TSPAN18: variants seen among roughly 807,000 people sequenced by gnomAD.
The protein encoded by TSPAN18 is tetraspanin-18.
Under a neutral mutation model 27.3 loss-of-function variants are expected in TSPAN18, and 14 were observed. That is an observed-to-expected ratio of 0.51 (90% CI 0.34 to 0.80). TSPAN18 has a LOEUF of 0.80. TSPAN18 is among the 30% of genes least tolerant of loss of function. The pLI, the probability that TSPAN18 is intolerant of heterozygous loss-of-function variation, is 0.01. For missense variants in TSPAN18, 268 were observed against 323.9 expected, an observed-to-expected ratio of 0.83 and a Z score of 1.32; for synonymous variants, 143 against 136.5, an observed-to-expected ratio of 1.05 and a Z score of -0.33.
At chr11:44,888,560 G>A (rs1251546779) in intron 3 of TSPAN18, among the ~76,000 whole-genome samples, 1 of 152,128 alleles carries the variant, frequency 6.6e-6, no homozygotes, top group Admixed American at 6.5e-5. Context: ...CAACAGCAGC[G>A]AGTCCAGAGT....
chr11:44,889,781 C>G (rs1397476475), intron 3 of TSPAN18, among the ~76,000 whole-genome samples: 1 of 152,210 alleles, frequency 6.6e-6, no homozygotes, highest in Non-Finnish European at 1.5e-5. Context: ...GCCTTCTCAT[C>G]TTGTGGTCTC....
At position 44,902,092 on chromosome 11, in the gene TSPAN18, G is replaced by A. The variant is rs551637361; in HGVS notation, c.-10-4315G>A. Among the ~76,000 whole-genome samples, 96 of 152,334 alleles carry A rather than the reference G, an allele frequency of 6.3e-4. 2 individuals carry two copies. In the South Asian group the frequency reaches 0.019, roughly 30 times the overall value. On this transcript the variant is annotated intron_variant, in intron 3 of 9. Coordinates refer to ENST00000520358, the MANE Select transcript of TSPAN18 (RefSeq NM_130783.5). ...GGGTCAGAATAGAAAGCTCCGGGGT[G>A]CAAGGCATTGTCCTGGGTTTATGGT...
At chr11:44,892,647 C>T (rs1565194693) in intron 3 of TSPAN18, among the ~76,000 whole-genome samples, 1 of 152,228 alleles carries the variant, frequency 6.6e-6, no homozygotes, top group Admixed American at 6.5e-5. Context: ...GGGACTGGCA[C>T]CTTCTGTGGC....
At position 44,920,008 on chromosome 11, in the gene TSPAN18, C is replaced by T; in HGVS notation, c.615+9C>T. ...TATTCCTAAACAAGCAGGTACTGGCCCTGCTCTCCAGACAGGGGAGTGGGT... is the reference window on the plus strand; with the variant it reads ...TATTCCTAAACAAGCAGGTACTGGCTCTGCTCTCCAGACAGGGGAGTGGGT... On this transcript the variant is annotated intron_variant, in intron 8 of 9. Transcript: ENST00000520358. 3 of 1,610,120 alleles carry T rather than the reference C, an allele frequency of 1.9e-6. No homozygotes were observed. The highest frequency in any genetic ancestry group is 2.5e-6 in the Non-Finnish European group (3 of 1,177,908).
chr11:44,787,592 A>G (rs1465942686), intron 2 of TSPAN18, among the ~76,000 whole-genome samples: 6 of 152,196 alleles, frequency 3.9e-5, no homozygotes, highest in African/African-American at 1.4e-4. Context: ...CTGTTTCTTT[A>G]TCTGTATAGT....
At position 44,897,090 on chromosome 11, in the gene TSPAN18, G is replaced by C. The variant is rs550824942; in HGVS notation, c.-10-9317G>C. On this transcript the variant is annotated intron_variant, in intron 3 of 9. Coordinates refer to ENST00000520358, the MANE Select transcript of TSPAN18 (RefSeq NM_130783.5). ...ACAGCCCAGGCTTCCCCAGGTCCCA[G>C]GTCTTCCTGGGACTGTCCTCTAACC... Among the ~76,000 whole-genome samples the C allele has an allele frequency of 8.5e-5, 13 of 152,258 alleles. No homozygotes were observed. In the East Asian group the frequency reaches 2.5e-3, roughly 29 times the overall value.
intron 2 of TSPAN18, among the ~76,000 whole-genome samples, chr11:44,848,848 C>A (rs1467231258): frequency 1.3e-5 from 2 of 152,118 alleles, no homozygotes; most frequent in Non-Finnish European, 2.9e-5. Context: ...CCGTGGGGCT[C>A]CCCCCACCCC....
intron 3 of TSPAN18, chr11:44,903,295 G>A (rs971255410): frequency 1.8e-5 from 7 of 395,628 alleles, no homozygotes; most frequent in Admixed American, 1.4e-4. Flanking sequence ...TAGTTGGAAA[G>A]GCAATCCAAA....
intron 1 of TSPAN18, among the ~76,000 whole-genome samples, chr11:44,730,261 G>C (rs1010104907): frequency 1.3e-5 from 2 of 152,232 alleles, no homozygotes; most frequent in Admixed American, 6.5e-5. Flanking sequence ...CCTGCTGGGA[G>C]CCCCATGTTA....
chr11:44,746,005 C>T (rs911639249), intron 1 of TSPAN18, among the ~76,000 whole-genome samples: 6 of 152,128 alleles, frequency 3.9e-5, no homozygotes, highest in Admixed American at 6.5e-5. Context: ...CCAGCCTGGG[C>T]GACAGAGCGA....
chr11:44,738,356 TGGCTGGAGCCCCCCC>T lies in TSPAN18; in HGVS notation c.-240+11082_-240+11096del, dbSNP rs1211939553. Among the ~76,000 whole-genome samples the T allele has an allele frequency of 5.9e-5, 9 of 152,198 alleles. No individual in the cohort carries two copies. The East Asian group carries it at 1.5e-3, about 26-fold the overall frequency. ...TACAGTGGGAACGCTGGAGCCCACC[TGGCTGGAGCCCCCCC>T]GGCTGGAGCCCCAGCTTTATCACGT... On this transcript the variant is annotated intron_variant, in intron 1 of 9. Transcript: ENST00000520358.
rs554296912 is a variant in TSPAN18 at position 44,807,652 on chromosome 11, A to T, written c.-153+43140A>T. Among the ~76,000 whole-genome samples the T allele has an allele frequency of 4.4e-4, 67 of 151,680 alleles. 1 individual carries two copies. The South Asian group carries it at 0.012, about 27-fold the overall frequency. ...TGGGTATTGCAAAATTCCTGGGGGG[A>T]ACTCAAGTTTGGGAATCACTGGTTG... On this transcript the variant is annotated intron_variant, in intron 2 of 9. Coordinates refer to ENST00000520358, the MANE Select transcript of TSPAN18 (RefSeq NM_130783.5).
intron 1 of TSPAN18, among the ~76,000 whole-genome samples, chr11:44,733,623 G>C (rs1375863457): frequency 6.6e-6 from 1 of 152,170 alleles, no homozygotes; most frequent in African/African-American, 2.4e-5. Context: ...TGGTGAGGAG[G>C]GGAGGTTGCA....
intron 2 of TSPAN18, among the ~76,000 whole-genome samples, chr11:44,855,444 G>A (rs886836432): frequency 6.6e-6 from 1 of 152,158 alleles, no homozygotes; most frequent in Admixed American, 6.6e-5. Flanking sequence ...TAAAAAGCAA[G>A]CATTCGACAA....
intron 2 of TSPAN18, among the ~76,000 whole-genome samples, chr11:44,773,004 C>T (rs61880613): frequency 0.43 from 65,935 of 152,052 alleles, 15,612 homozygotes; most frequent in Non-Finnish European, 0.52. Context: ...ACAGGATCCA[C>T]ACATGTTGGC....
At chr11:44,782,951 C>T (rs1855972879) in intron 2 of TSPAN18, among the ~76,000 whole-genome samples, 1 of 152,084 alleles carries the variant, frequency 6.6e-6, no homozygotes, top group Non-Finnish European at 1.5e-5. Flanking sequence ...GCCTCAGCCT[C>T]CCAAGTAGCT....
intron 1 of TSPAN18, among the ~76,000 whole-genome samples, chr11:44,743,356 T>C (rs537580102): frequency 1.3e-5 from 2 of 152,074 alleles, no homozygotes; most frequent in South Asian, 4.2e-4. Flanking sequence ...CAGTGGGCAA[T>C]GGAAAGAGCC....
At chr11:44,802,334 G>A (rs1856499391) in intron 2 of TSPAN18, among the ~76,000 whole-genome samples, 1 of 151,448 alleles carries the variant, frequency 6.6e-6, no homozygotes, top group Non-Finnish European at 1.5e-5. Flanking sequence ...TGGGGGGAGA[G>A]CTGTGGGAGA....
At chr11:44,761,241 G>T (rs952278156) in intron 1 of TSPAN18, among the ~76,000 whole-genome samples, 3 of 152,156 alleles carry the variant, frequency 2.0e-5, no homozygotes, top group Non-Finnish European at 4.4e-5. Context: ...TCGGGTCAAG[G>T]GTGACCCCTG....
Sources: allele counts gnomAD v4.1 joint callset (sites outside exome capture counted in the v4.1 genomes callset), GRCh38; gene constraint gnomAD v4.1.1; transcripts MANE v1.5; gene names NCBI Gene and HGNC (gene_info 2026-07-23, HGNC 2026-07-21).